The following AGAP1 variants were observed in gnomAD, a reference collection of about 807,000 sequenced individuals.
AGAP1 encodes the protein arf-GAP with GTPase, ANK repeat and PH domain-containing protein 1.
A neutral mutation model predicts 105.3 loss-of-function variants in AGAP1; 29 were observed. That is an observed-to-expected ratio of 0.28 (90% CI 0.21 to 0.38). The LOEUF is 0.38. Among genes scored for constraint, AGAP1 ranks in the 10% least tolerant of loss-of-function variants. The pLI, the probability that AGAP1 is intolerant of heterozygous loss-of-function variation, is 1.00. For missense variants in AGAP1, 998 were observed against 1,165.1 expected (o/e 0.86, Z 2.09); for synonymous variants, 509 against 485.9 (o/e 1.05, Z -0.63).
rs1946901246 is a variant in AGAP1, at chr2:235,633,679, T to G, written c.164-75500T>G. Among the ~76,000 whole-genome samples the G allele has an allele frequency of 6.6e-6, 1 of 152,190 alleles. No homozygotes were observed. The highest frequency in any genetic ancestry group is 1.5e-5 in the Non-Finnish European group (1 of 68,048). ...CTGTTCAGATTCCTCTTGGCCTCTG[T>G]GTAACATTTCTTCCTCTCGGGTATG... On this transcript the variant is annotated intron_variant, in intron 1 of 17. Transcript: ENST00000304032. The surrounding 1 kb of genome is among the most constrained non-coding windows in gnomAD (Gnocchi z 4.8).
chr2:235,634,595 C>T (rs146515206), intron 1 of AGAP1, among the ~76,000 whole-genome samples: 41 of 152,266 alleles, frequency 2.7e-4, no homozygotes, highest in African/African-American at 4.1e-4. Context: ...CAAGACACTG[C>T]GAATCATCAG....
intron 12 of AGAP1, among the ~76,000 whole-genome samples, chr2:235,948,077 GA>G (rs1156296294): frequency 6.6e-6 from 1 of 152,212 alleles, no homozygotes; most frequent in African/African-American, 2.4e-5. Context: ...GAGGGCAGGG[GA>G]CTCATGGGAA....
Position 235,901,752 on chromosome 2 carries a change from G to A in AGAP1, c.1156-6986G>A, listed in dbSNP as rs984525064. ...AGAAATTAGGTGAGCATAGGAACGT[G>A]CCTGTAATCCCAGCTACTCAGGAGG... On this transcript the variant is annotated intron_variant, in intron 10 of 17. Coordinates refer to ENST00000304032, the MANE Select transcript of AGAP1 (RefSeq NM_001037131.3). The surrounding 1 kb of genome is among the most constrained non-coding windows in gnomAD (Gnocchi z 4.3). 6.6e-6 allele frequency among the ~76,000 whole-genome samples: 1 copy of A among 152,150 alleles called. No homozygotes were observed. The highest frequency in any genetic ancestry group is 2.1e-4 in the South Asian group (1 of 4,814).
At chr2:235,975,976 T>C (rs1366038290) in intron 13 of AGAP1, among the ~76,000 whole-genome samples, 1 of 152,160 alleles carries the variant, frequency 6.6e-6, no homozygotes, top group East Asian at 1.9e-4. Flanking sequence ...AACAGTTCAT[T>C]ATAGCAAATG....
intron 6 of AGAP1, among the ~76,000 whole-genome samples, chr2:235,773,164 C>T (rs189582326): frequency 7.4e-4 from 113 of 152,278 alleles, no homozygotes; most frequent in Non-Finnish European, 1.3e-3. Context: ...GGCTCAAGAA[C>T]CCAGTAACAG....
At chr2:236,010,770 T>G (rs992808830) in intron 13 of AGAP1, among the ~76,000 whole-genome samples, 1 of 152,238 alleles carries the variant, frequency 6.6e-6, no homozygotes, top group African/African-American at 2.4e-5. Context: ...ATTGTTATAT[T>G]ACACAAGGAT....
rs1022987321 is a variant in AGAP1, at chr2:235,747,103, C to A, written c.538+2264C>A. ...CATCTTAACAATGGCTGCTTTTGTT[C>A]CTCATATTTCAATCTGCGACCAGTG... On this transcript the variant is annotated intron_variant, in intron 5 of 17. Coordinates refer to ENST00000304032, the MANE Select transcript of AGAP1 (RefSeq NM_001037131.3). The surrounding 1 kb of genome is among the most constrained non-coding windows in gnomAD (Gnocchi z 5.0). 2.0e-5 allele frequency among the ~76,000 whole-genome samples: 3 copies of A among 151,994 alleles called. No homozygotes were observed. Among genetic ancestry groups the A allele is most frequent in the African/African-American group, 4.8e-5 (2 of 41,374 alleles).
chr2:235,538,425 C>CTGTGTGTGTGTGTGTGTG (rs1413280144), intron 1 of AGAP1, among the ~76,000 whole-genome samples: 134 of 28,588 alleles, frequency 4.7e-3, no homozygotes, highest in African/African-American at 0.015. Flanking sequence ...ACCTCAGCCA[C>CTGTGTGTGTGTGTGTGTG]TATGTGTGTG....
At chr2:235,880,734 C>T (rs1345318483) in intron 9 of AGAP1, among the ~76,000 whole-genome samples, 8 of 147,356 alleles carry the variant, frequency 5.4e-5, no homozygotes, top group South Asian at 4.3e-4. Context: ...AGCGAGACTC[C>T]GTCTCAAAAA....
chr2:235,844,096 C>T (rs1025184207), intron 9 of AGAP1, among the ~76,000 whole-genome samples: 2 of 152,212 alleles, frequency 1.3e-5, no homozygotes, highest in African/African-American at 4.8e-5. Context: ...GAAGTCTTTC[C>T]TGCTGAAAGC....
intron 1 of AGAP1, among the ~76,000 whole-genome samples, chr2:235,594,906 T>A (rs953214010): frequency 7.2e-5 from 10 of 138,814 alleles, no homozygotes; most frequent in South Asian, 6.7e-4. Flanking sequence ...TTTTTTTTTT[T>A]ATGATGTAAA....
chr2:235,596,219 C>T lies in AGAP1; in HGVS notation c.163+101370C>T, dbSNP rs186726731. Among the ~76,000 whole-genome samples the T allele has an allele frequency of 7.2e-5, 11 of 152,226 alleles. No homozygotes were observed. Among genetic ancestry groups the T allele is most frequent in the Non-Finnish European group, 5.9e-5 (4 of 68,044 alleles). On this transcript the variant is annotated intron_variant, in intron 1 of 17. Transcript: ENST00000304032. This position sits in a 1 kb window ranked among gnomAD's most constrained non-coding sequence, Gnocchi z 5.9. ...CCCAGCTCCATCTAAGGTGATTAAA[C>T]GGAGTCAGAACCCGGCCATGGATGT...
At chr2:235,826,106 G>C (rs898552954) in intron 9 of AGAP1, among the ~76,000 whole-genome samples, 1 of 152,238 alleles carries the variant, frequency 6.6e-6, no homozygotes, top group African/African-American at 2.4e-5. Context: ...CATGCCCTGT[G>C]ATGAAAGAGC....
chr2:235,912,796 A>G (rs560844703), intron 11 of AGAP1, among the ~76,000 whole-genome samples: 3 of 152,338 alleles, frequency 2.0e-5, no homozygotes, highest in South Asian at 4.1e-4. Flanking sequence ...TGCTAATGCT[A>G]TTAATATTAT....
chr2:236,016,488 T>C (rs1340687837), intron 13 of AGAP1, among the ~76,000 whole-genome samples: 2 of 151,492 alleles, frequency 1.3e-5, no homozygotes, highest in African/African-American at 4.9e-5. Flanking sequence ...AAATGCAGTG[T>C]ATAGAAAATT....
chr2:236,079,245 C>T (rs1380572747), intron 16 of AGAP1, among the ~76,000 whole-genome samples: 1 of 151,794 alleles, frequency 6.6e-6, no homozygotes, highest in Non-Finnish European at 1.5e-5. Flanking sequence ...GCTGGCCAGG[C>T]ACGGTGGCTT....
intron 1 of AGAP1, among the ~76,000 whole-genome samples, chr2:235,515,436 C>G (rs1050250103): frequency 6.6e-6 from 1 of 152,092 alleles, no homozygotes; most frequent in African/African-American, 2.4e-5. Flanking sequence ...GGCAGGTCCT[C>G]AAAGGAACAC....
intron 9 of AGAP1, among the ~76,000 whole-genome samples, chr2:235,840,593 G>C (rs1342538414): frequency 1.3e-5 from 2 of 152,148 alleles, no homozygotes; most frequent in African/African-American, 2.4e-5. Flanking sequence ...GAGGGCAGGA[G>C]CCCAGGCAGG....
chr2:235,540,784 G>A (rs1432571040), intron 1 of AGAP1, among the ~76,000 whole-genome samples: 2 of 152,160 alleles, frequency 1.3e-5, no homozygotes, highest in African/African-American at 4.8e-5. Context: ...TCCATGCCGG[G>A]CAGTATAAAA....
Sources: allele counts gnomAD v4.1 joint callset (sites outside exome capture counted in the v4.1 genomes callset), GRCh38; gene constraint gnomAD v4.1.1; non-coding constraint Gnocchi (gnomAD v3.1); transcripts MANE v1.5; gene names NCBI Gene and HGNC (gene_info 2026-07-23, HGNC 2026-07-21).